The following CCDC149 variants were observed in gnomAD, a reference collection of about 807,000 sequenced individuals.
CCDC149 encodes the protein coiled-coil domain containing 149, also known as coiled-coil domain-containing protein 149.
Under a neutral mutation model 59.9 loss-of-function variants are expected in CCDC149, and 45 were observed. The ratio of observed to expected loss-of-function variants is 0.75; its 90% CI spans 0.59 to 0.96. The LOEUF is 0.96. Among genes scored for constraint, CCDC149 ranks in the 40% least tolerant of loss-of-function variants. CCDC149 has a pLI of 0.00. For missense variants in CCDC149, 584 were observed against 664.7 expected, an observed-to-expected ratio of 0.88 and a Z score of 1.33; for synonymous variants, 245 against 260.6, an observed-to-expected ratio of 0.94 and a Z score of 0.58.
At chr4:24,870,281 G>C (rs1028563571) in intron 3 of CCDC149, among the ~76,000 whole-genome samples, 6 of 152,136 alleles carry the variant, frequency 3.9e-5, no homozygotes, top group African/African-American at 1.2e-4. Context: ...ATTTTTACTT[G>C]CTAAATTTGG....
At chr4:24,952,107 T>C (rs74881176) in intron 1 of CCDC149, among the ~76,000 whole-genome samples, 259 of 152,210 alleles carry the variant, frequency 1.7e-3, no homozygotes, top group African/African-American at 5.5e-3. Context: ...TTCTCTCAAT[T>C]AGGCTTTAGG....
At chr4:24,818,782 C>T (rs1019960826) in intron 12 of CCDC149, among the ~76,000 whole-genome samples, 1 of 152,226 alleles carries the variant, frequency 6.6e-6, no homozygotes, top group Non-Finnish European at 1.5e-5. Flanking sequence ...AGGGACAAGT[C>T]TCATGTCTTT....
At chr4:24,872,703 C>T (rs1719119231) in intron 3 of CCDC149, among the ~76,000 whole-genome samples, 1 of 151,478 alleles carries the variant, frequency 6.6e-6, no homozygotes. Flanking sequence ...TGGTATGTAC[C>T]CACAAAACAG....
intron 1 of CCDC149, among the ~76,000 whole-genome samples, chr4:24,923,254 C>T (rs1009238989): frequency 1.3e-5 from 2 of 152,138 alleles, no homozygotes; most frequent in Non-Finnish European, 2.9e-5. Flanking sequence ...AACTGCAAAC[C>T]TTGGTCAGCT....
intron 12 of CCDC149, among the ~76,000 whole-genome samples, chr4:24,812,359 T>C (rs1714672271): frequency 6.6e-6 from 1 of 152,204 alleles, no homozygotes; most frequent in Non-Finnish European, 1.5e-5. Flanking sequence ...TCATTCTCAC[T>C]CATTAGCTAT....
chr4:24,841,909 G>A (rs1716962500), intron 4 of CCDC149, among the ~76,000 whole-genome samples: 1 of 152,098 alleles, frequency 6.6e-6, no homozygotes, highest in Admixed American at 6.5e-5. Context: ...AGGAAAGAGA[G>A]GATGAGAGAG....
chr4:24,889,794 G>A (rs1720421754), intron 1 of CCDC149, among the ~76,000 whole-genome samples: 1 of 152,142 alleles, frequency 6.6e-6, no homozygotes. Context: ...TTTAAAAGCT[G>A]TAAAACTGCT....
rs189463249 is a variant in CCDC149, at chr4:24,958,263, T to C, written c.-65+21806A>G. Among the ~76,000 whole-genome samples, 238 of 152,266 alleles carry C rather than the reference T, an allele frequency of 1.6e-3. 1 individual carries two copies. The highest frequency in any genetic ancestry group is 3.3e-3 in the Admixed American group (51 of 15,298). ...GTCCAACTAGCCACATTGAAGCAAA[T>C]TGATTATACCAGAAGACTTTCCTTT... On this transcript the variant is annotated intron_variant, in intron 1 of 12. Coordinates refer to the CCDC149 transcript ENST00000389609.
chr4:24,860,190 A>G (rs1718284377), intron 3 of CCDC149, among the ~76,000 whole-genome samples: 2 of 152,236 alleles, frequency 1.3e-5, no homozygotes, highest in Admixed American at 1.3e-4. Flanking sequence ...CTGACTTCAA[A>G]CTATACCATT....
At chr4:24,955,412 C>T (rs941529400) in intron 1 of CCDC149, among the ~76,000 whole-genome samples, 2 of 152,068 alleles carry the variant, frequency 1.3e-5, no homozygotes, top group Non-Finnish European at 2.9e-5. Context: ...ATTGACAACA[C>T]GTGAATTTTG....
chr4:24,834,223 A>T (rs1160499455), intron 8 of CCDC149, among the ~76,000 whole-genome samples: 2 of 152,134 alleles, frequency 1.3e-5, no homozygotes, highest in Non-Finnish European at 2.9e-5. Context: ...CTGCCATATG[A>T]TAGTTGCTGG....
At chr4:24,873,872 T>C (rs1198434347) in intron 2 of CCDC149, among the ~76,000 whole-genome samples, 153 bp from the exon 3 acceptor site, 1 of 143,082 alleles carries the variant, frequency 7.0e-6, no homozygotes, top group Non-Finnish European at 1.5e-5. Context: ...CAAATATACT[T>C]TAAAAAAATA....
At chr4:24,917,774 T>C (rs1016498766), upstream of CCDC149, among the ~76,000 whole-genome samples, 1 of 152,184 alleles carries the variant, frequency 6.6e-6, no homozygotes, top group Non-Finnish European at 1.5e-5. Flanking sequence ...TCTCAGATTA[T>C]TCAAATTTGT....
At position 24,851,804 on chromosome 4, in the gene CCDC149, C is replaced by G. The variant is rs377753899; in HGVS notation, c.372+1268G>C. Reference sequence around the variant, plus strand: ...GAAGGTCTGTCCTTTAATTATTGACCAAACACCTAGGTTACGGAGTTTAAA... The same window carrying G: ...GAAGGTCTGTCCTTTAATTATTGACGAAACACCTAGGTTACGGAGTTTAAA... On this transcript the variant is annotated intron_variant, in intron 4 of 12. Transcript: ENST00000635206. 2.0e-5 allele frequency among the ~76,000 whole-genome samples: 3 copies of G among 152,178 alleles called. No individual in the cohort carries two copies. The East Asian group carries it at 5.8e-4, about 29-fold the overall frequency.
At chr4:24,879,865 T>G (rs915754498) in intron 1 of CCDC149, among the ~76,000 whole-genome samples, 5 of 152,158 alleles carry the variant, frequency 3.3e-5, no homozygotes, top group South Asian at 2.1e-4. Flanking sequence ...CAGCCCATAC[T>G]TTAAAAACTC....
chr4:24,977,435 A>G (rs1203665880), intron 1 of CCDC149, among the ~76,000 whole-genome samples: 1 of 151,954 alleles, frequency 6.6e-6, no homozygotes, highest in African/African-American at 2.4e-5. Context: ...ACAAACTAAC[A>G]TTTCACTCCC....
chr4:24,921,855 C>T (rs542629621), intron 1 of CCDC149, among the ~76,000 whole-genome samples: 1 of 152,284 alleles, frequency 6.6e-6, no homozygotes, highest in Non-Finnish European at 1.5e-5. Flanking sequence ...ACCCCCTATT[C>T]CCCGCTCTTG....
intron 1 of CCDC149, among the ~76,000 whole-genome samples, chr4:24,889,514 C>T (rs1041352806): frequency 4.6e-5 from 7 of 152,140 alleles, no homozygotes; most frequent in South Asian, 2.1e-4. Context: ...ACTAAAATTA[C>T]GCATGCATCT....
chr4:24,912,991 T>G lies in CCDC149; in HGVS notation c.-112A>C. 1 of 307,034 alleles carries G rather than the reference T, an allele frequency of 3.3e-6. No homozygotes were observed. The highest frequency in any genetic ancestry group is 4.9e-6 in the Non-Finnish European group (1 of 203,962). 19.0% of individuals were successfully genotyped at this position (307,034 alleles called of 1,614,324 possible). A position where few individuals can be genotyped will look rare whatever the true frequency, so the allele number is the denominator to read the frequency against. On this transcript the variant is annotated 5_prime_UTR_variant, in exon 1 of 13. Transcript: ENST00000635206. The stretch of plus-strand genomic sequence containing the variant: ...AGAGGGCCCGGCGCCTCCGAGCCGC[T>G]GCGCCGCCGCCTCTCGCGGCCGCCA...
Sources: gnomAD v4.1 joint callset for allele counts (sites outside exome capture counted in the v4.1 genomes callset) on GRCh38, gnomAD v4.1.1 for gene constraint, MANE v1.5 for transcripts, NCBI Gene and HGNC (gene_info 2026-07-23, HGNC 2026-07-21) for gene names.